The following FHOD3 variants were observed in gnomAD, a reference collection of about 807,000 sequenced individuals.
FHOD3 encodes the protein formin homology 2 domain containing 3.
Under a neutral mutation model 173.0 loss-of-function variants are expected in FHOD3, and 90 were observed. The observed-to-expected ratio is 0.52, with a 90% confidence interval of 0.44 to 0.62. The LOEUF is 0.62. Among genes scored for constraint, FHOD3 ranks in the 20% least tolerant of loss-of-function variants. The pLI, the probability that FHOD3 is intolerant of heterozygous loss-of-function variation, is 0.00. For missense variants in FHOD3, 1,945 were observed against 2,034.7 expected (o/e 0.96, Z 0.85); for synonymous variants, 828 against 823.0 (o/e 1.01, Z -0.10).
At chr18:36,667,360 A>G (rs1430565184) in intron 14 of FHOD3, among the ~76,000 whole-genome samples, 3 of 152,220 alleles carry the variant, frequency 2.0e-5, no homozygotes, top group Admixed American at 6.5e-5. Context: ...AATTTCTTGA[A>G]AGACAAAAAC....
At chr18:36,534,055 A>AG (rs1263494632) in intron 5 of FHOD3, among the ~76,000 whole-genome samples, 1 of 152,094 alleles carries the variant, frequency 6.6e-6, no homozygotes, top group Non-Finnish European at 1.5e-5. Flanking sequence ...GTTTGTGGAC[A>AG]CTTCTGACCC....
At chr18:36,621,957 G>A (rs1263317807) in intron 9 of FHOD3, among the ~76,000 whole-genome samples, 3 of 152,106 alleles carry the variant, frequency 2.0e-5, no homozygotes, top group East Asian at 1.9e-4. Context: ...AATGATGGAC[G>A]AATCAATAAA....
At chr18:36,692,022 C>G (rs1174730049) in intron 16 of FHOD3, among the ~76,000 whole-genome samples, 1 of 152,200 alleles carries the variant, frequency 6.6e-6, no homozygotes, top group Non-Finnish European at 1.5e-5. Context: ...AGGCCAAGAT[C>G]ACTTCCAGCT....
intron 3 of FHOD3, among the ~76,000 whole-genome samples, chr18:36,410,799 C>T (rs551844084): frequency 8.2e-4 from 125 of 152,252 alleles, no homozygotes; most frequent in African/African-American, 2.9e-3. Context: ...ATTTGTATAT[C>T]ACCTTTGGAG....
At chr18:36,773,881 G>T (rs894041810) in intron 28 of FHOD3, among the ~76,000 whole-genome samples, 6 of 152,168 alleles carry the variant, frequency 3.9e-5, no homozygotes, top group African/African-American at 1.4e-4. Flanking sequence ...GCACATAAAG[G>T]CTGCATTGTC....
intron 5 of FHOD3, among the ~76,000 whole-genome samples, chr18:36,545,048 C>A (rs942702295): frequency 2.0e-5 from 3 of 152,128 alleles, no homozygotes; most frequent in Non-Finnish European, 4.4e-5. Flanking sequence ...AGATTAACTT[C>A]TTGTAGATTG....
chr18:36,648,851 C>T (rs1424100293), intron 10 of FHOD3, among the ~76,000 whole-genome samples: 3 of 152,176 alleles, frequency 2.0e-5, no homozygotes, highest in Admixed American at 2.0e-4. Context: ...GCCAAATTGG[C>T]CTGACCCTTG....
At chr18:36,479,200 C>T (rs1200931814) in intron 3 of FHOD3, among the ~76,000 whole-genome samples, 1 of 152,140 alleles carries the variant, frequency 6.6e-6, no homozygotes, top group Non-Finnish European at 1.5e-5. Context: ...TAAATTAATT[C>T]TCAAGAAAAT....
At chr18:36,405,849 T>C (rs965962125) in intron 3 of FHOD3, among the ~76,000 whole-genome samples, 2 of 152,222 alleles carry the variant, frequency 1.3e-5, no homozygotes, top group African/African-American at 4.8e-5. Flanking sequence ...TTTTCCTTTT[T>C]TTCCCCCTTT....
At chr18:36,327,154 A>G (rs926126693) in intron 1 of FHOD3, among the ~76,000 whole-genome samples, 31 of 152,250 alleles carry the variant, frequency 2.0e-4, no homozygotes, top group Admixed American at 7.2e-4. Flanking sequence ...CAATTCCCCA[A>G]GAGTGATCTT....
intron 1 of FHOD3, among the ~76,000 whole-genome samples, chr18:36,326,155 C>G (rs2044661318): frequency 6.6e-6 from 1 of 152,178 alleles, no homozygotes; most frequent in Non-Finnish European, 1.5e-5. Flanking sequence ...AGTCTGGCCC[C>G]TTCTTGGTAA....
At chr18:36,679,272 G>C (rs2038077104) in intron 14 of FHOD3, among the ~76,000 whole-genome samples, 1 of 151,928 alleles carries the variant, frequency 6.6e-6, no homozygotes, top group South Asian at 2.1e-4. Context: ...TGTCATTCCT[G>C]AATATGCTCA....
intron 1 of FHOD3, among the ~76,000 whole-genome samples, chr18:36,328,453 G>A (rs1026960033): frequency 2.0e-4 from 30 of 152,260 alleles, no homozygotes; most frequent in Middle Eastern, 3.4e-3. Context: ...CTGGAGTGCA[G>A]CAAGGAGAAA....
rs116742462 is a variant in FHOD3, at chr18:36,397,156, C to A, written c.337+24412C>A. Among the ~76,000 whole-genome samples the A allele has an allele frequency of 6.9e-3, 1,056 of 152,304 alleles. 10 individuals are homozygous for A. The highest frequency in any genetic ancestry group is 0.024 in the African/African-American group (1,006 of 41,568). ...ACCATGGGACCATTGACTTACCTAG[C>A]ATTAGATTGGTCAATACCCCTCTCA... On this transcript the variant is annotated intron_variant, in intron 3 of 28. Coordinates refer to ENST00000590592, the MANE Select transcript of FHOD3 (RefSeq NM_001281740.3).
chr18:36,553,060 G>C (rs1319365560), intron 5 of FHOD3, among the ~76,000 whole-genome samples: 3 of 152,124 alleles, frequency 2.0e-5, no homozygotes, highest in South Asian at 2.1e-4. Context: ...GGCCTTTTCT[G>C]CATCTATTGA....
intron 4 of FHOD3, among the ~76,000 whole-genome samples, chr18:36,509,164 A>G (rs1015487373): frequency 6.7e-6 from 1 of 149,980 alleles, no homozygotes; most frequent in African/African-American, 2.5e-5. Flanking sequence ...AACAGAAAAG[A>G]AAAAAACTCT....
chr18:36,725,705 C>T (rs992424927), intron 19 of FHOD3, among the ~76,000 whole-genome samples: 1 of 152,202 alleles, frequency 6.6e-6, no homozygotes, highest in African/African-American at 2.4e-5. Flanking sequence ...AGGAACATGT[C>T]AGTCAATCCA....
chr18:36,344,296 A>C (rs2045777905), intron 1 of FHOD3, among the ~76,000 whole-genome samples: 1 of 152,198 alleles, frequency 6.6e-6, no homozygotes, highest in Non-Finnish European at 1.5e-5. Flanking sequence ...GTGAATATTG[A>C]CTGCCCAAAA....
intron 1 of FHOD3, among the ~76,000 whole-genome samples, chr18:36,318,509 A>G (rs941466640): frequency 6.6e-6 from 1 of 152,202 alleles, no homozygotes; most frequent in African/African-American, 2.4e-5. Flanking sequence ...GAGTTCACAC[A>G]TGATTTGGCT....
Sources: allele counts gnomAD v4.1 joint callset (sites outside exome capture counted in the v4.1 genomes callset), GRCh38; gene constraint gnomAD v4.1.1; transcripts MANE v1.5; gene names NCBI Gene and HGNC (gene_info 2026-07-23, HGNC 2026-07-21).